GRIN2B: variants seen among roughly 807,000 people sequenced by gnomAD.
GRIN2B encodes glutamate receptor ionotropic, NMDA 2B.
A neutral mutation model predicts 114.5 loss-of-function variants in GRIN2B; 5 were observed. The ratio of observed to expected loss-of-function variants is 0.04; its 90% confidence interval spans 0.02 to 0.09. GRIN2B has a LOEUF of 0.09. Among genes scored for constraint, GRIN2B ranks in the 10% least tolerant of loss-of-function variants. The pLI, the probability that GRIN2B is intolerant of heterozygous loss-of-function variation, is 1.00. For synonymous variants in GRIN2B, 787 were observed against 745.1 expected (o/e 1.06, Z -0.92); for missense variants, 1,108 against 1,943.5 (o/e 0.57, Z 8.08).
chr12:13,762,900 T>A (rs938923670), intron 3 of GRIN2B, among the ~76,000 whole-genome samples: 1 of 152,200 alleles, frequency 6.6e-6, no homozygotes, highest in Non-Finnish European at 1.5e-5. Context: ...GGTTTTTTGT[T>A]TTTTGTTTTT....
At chr12:13,807,418 T>G (rs1272585443) in intron 3 of GRIN2B, among the ~76,000 whole-genome samples, 1 of 152,072 alleles carries the variant, frequency 6.6e-6, no homozygotes, top group Non-Finnish European at 1.5e-5. Flanking sequence ...CACATTTCAC[T>G]TCACATAATG....
rs1434988820 is a variant in GRIN2B at position 13,560,258 on chromosome 12, C to A, written c.*2525G>T. 1 of 152,150 alleles carries A rather than the reference C, an allele frequency of 6.6e-6. No homozygotes were observed. Among genetic ancestry groups the A allele is most frequent in the Non-Finnish European group, 1.5e-5 (1 of 68,016 alleles). The allele number at this position is 152,150 out of a possible 1,614,324, so 9.4% of individuals were successfully genotyped here. A position where few individuals can be genotyped will look rare whatever the true frequency, so the allele number is the denominator to read the frequency against. On this transcript the variant is annotated 3_prime_UTR_variant, in exon 14 of 14. Transcript: ENST00000609686. Reference sequence around the variant, plus strand: ...GACACCCTGAAGCAAAAAAGCCATACAAAACAATTCCCCCAATGGGAAATG... The same window carrying A: ...GACACCCTGAAGCAAAAAAGCCATAAAAAACAATTCCCCCAATGGGAAATG...
chr12:13,752,909 A>G (rs778997030), intron 4 of GRIN2B, among the ~76,000 whole-genome samples: 5 of 152,178 alleles, frequency 3.3e-5, no homozygotes, highest in African/African-American at 7.2e-5. Context: ...TTTGCGATCA[A>G]GTAGTACTTA....
intron 2 of GRIN2B, among the ~76,000 whole-genome samples, chr12:13,871,098 G>A (rs1185174407): frequency 6.6e-6 from 1 of 151,984 alleles, no homozygotes; most frequent in Non-Finnish European, 1.5e-5. Context: ...TTTACATGGG[G>A]AGAAACAGAC....
At chr12:13,935,993 A>G (rs1040118434) in intron 2 of GRIN2B, among the ~76,000 whole-genome samples, 1 of 152,174 alleles carries the variant, frequency 6.6e-6, no homozygotes, top group African/African-American at 2.4e-5. Context: ...AGCATAACAC[A>G]GTGGCTGCAC....
rs902973319 is a variant in GRIN2B at position 13,540,411 on chromosome 12, C to T, written c.*22372G>A. 1 of 150,684 alleles carries T rather than the reference C, an allele frequency of 6.6e-6. No homozygotes were observed. Among genetic ancestry groups the T allele is most frequent in the African/African-American group, 2.4e-5 (1 of 40,888 alleles). The allele number at this position is 150,684 out of a possible 1,614,324, so 9.3% of individuals were successfully genotyped here. Reference sequence around the variant, plus strand: ...TTTTTAATTCGTTTTAATTTTTGTTCCTGCATCATTTGAACAAGTCCAAAC... The same window carrying T: ...TTTTTAATTCGTTTTAATTTTTGTTTCTGCATCATTTGAACAAGTCCAAAC... On this transcript the variant is annotated 3_prime_UTR_variant, in exon 14 of 14. Coordinates refer to ENST00000609686, the MANE Select transcript of GRIN2B (RefSeq NM_000834.5).
intron 3 of GRIN2B, among the ~76,000 whole-genome samples, chr12:13,847,256 C>T (rs550453271): frequency 2.0e-5 from 3 of 152,244 alleles, no homozygotes; most frequent in Non-Finnish European, 4.4e-5. Context: ...AAATTAGCTA[C>T]AGCTCCTCAC....
intron 3 of GRIN2B, among the ~76,000 whole-genome samples, chr12:13,856,216 G>A (rs1865658169): frequency 6.6e-6 from 1 of 152,158 alleles, no homozygotes; most frequent in Non-Finnish European, 1.5e-5. Context: ...TGTAAAACAG[G>A]CAGAACCATT....
intron 4 of GRIN2B, among the ~76,000 whole-genome samples, chr12:13,734,143 T>C (rs1565517574): frequency 6.6e-6 from 1 of 152,192 alleles, no homozygotes. Flanking sequence ...GAAGCCCCCA[T>C]AGGTACTTAA....
chr12:13,937,970 C>T (rs970917366), intron 2 of GRIN2B, among the ~76,000 whole-genome samples: 3 of 151,858 alleles, frequency 2.0e-5, no homozygotes, highest in South Asian at 2.1e-4. Flanking sequence ...TCATACCTTA[C>T]GTGTGAAGAG....
Position 13,615,715 on chromosome 12 carries a change from A to C in GRIN2B, c.1329-51T>G, listed in dbSNP as rs562150738. 4.0e-6 allele frequency: 6 copies of C among 1,515,158 alleles called. No homozygotes were observed. Among genetic ancestry groups the C allele is most frequent in the Non-Finnish European group, 5.5e-6 (6 of 1,090,010 alleles). 93.9% of individuals were successfully genotyped at this position (1,515,158 alleles called of 1,614,324 possible). Reference sequence around the variant, plus strand: ...AACAAACAAAAAAGTCTTTGTACAAAAAGCCAACATTTATTACCCTTTGCC... The same window carrying C: ...AACAAACAAAAAAGTCTTTGTACAACAAGCCAACATTTATTACCCTTTGCC... On this transcript the variant is annotated intron_variant, in intron 6 of 13. Coordinates refer to ENST00000609686, the MANE Select transcript of GRIN2B (RefSeq NM_000834.5). The surrounding 1 kb of genome is among the most constrained non-coding windows in gnomAD (Gnocchi z 5.8).
intron 5 of GRIN2B, among the ~76,000 whole-genome samples, chr12:13,643,679 G>T (rs566013847): frequency 6.6e-6 from 1 of 152,202 alleles, no homozygotes; most frequent in East Asian, 1.9e-4. Context: ...TTCAAAATTG[G>T]AGGCAATCCT....
chr12:13,935,976 G>A (rs1867121938), intron 2 of GRIN2B, among the ~76,000 whole-genome samples: 3 of 152,180 alleles, frequency 2.0e-5, no homozygotes, highest in Admixed American at 2.0e-4. Context: ...CAGAGAGCTA[G>A]AGTCAAAGCA....
intron 3 of GRIN2B, among the ~76,000 whole-genome samples, chr12:13,756,320 C>G (rs1292861092): frequency 6.6e-6 from 1 of 152,174 alleles, no homozygotes; most frequent in Non-Finnish European, 1.5e-5. Context: ...ATCCAAATTT[C>G]TGTTCTTTAT....
intron 4 of GRIN2B, among the ~76,000 whole-genome samples, chr12:13,717,189 A>G (rs1001342731): frequency 6.6e-6 from 1 of 151,674 alleles, no homozygotes; most frequent in African/African-American, 2.4e-5. Context: ...GGACAGTTTT[A>G]CACAAGTTAA....
intron 8 of GRIN2B, among the ~76,000 whole-genome samples, chr12:13,614,051 T>C (rs1254360745): frequency 7.1e-6 from 1 of 141,600 alleles, no homozygotes; most frequent in Non-Finnish European, 1.5e-5. Context: ...AAATAAAATA[T>C]GTATAGAAGC....
At chr12:13,807,780 C>G (rs1247779077) in intron 3 of GRIN2B, among the ~76,000 whole-genome samples, 1 of 114,768 alleles carries the variant, frequency 8.7e-6, no homozygotes, top group South Asian at 3.0e-4. Context: ...CAAGGGGCTT[C>G]TTAAAAAAGG....
At chr12:13,798,243 A>G (rs1864449793) in intron 3 of GRIN2B, among the ~76,000 whole-genome samples, 1 of 151,708 alleles carries the variant, frequency 6.6e-6, no homozygotes, top group Non-Finnish European at 1.5e-5. Context: ...TTAAAAATGA[A>G]CATATGATTG....
At chr12:13,680,362 G>T (rs547867338) in intron 4 of GRIN2B, among the ~76,000 whole-genome samples, 1 of 151,708 alleles carries the variant, frequency 6.6e-6, no homozygotes, top group South Asian at 2.1e-4. Flanking sequence ...CAGTCAAAAA[G>T]CTTTGCTTCA....
Sources: allele counts gnomAD v4.1 joint callset (sites outside exome capture counted in the v4.1 genomes callset), GRCh38; gene constraint gnomAD v4.1.1; non-coding constraint Gnocchi (gnomAD v3.1); transcripts MANE v1.5; gene names NCBI Gene and HGNC (gene_info 2026-07-23, HGNC 2026-07-21).